PCDHA13: variants seen among roughly 807,000 people sequenced by gnomAD.
PCDHA13 encodes the protein protocadherin alpha 13.
A neutral mutation model predicts 64.8 loss-of-function variants in PCDHA13; 54 were observed. That is an observed-to-expected ratio of 0.83 (90% CI 0.67 to 1.04). The LOEUF is 1.04. Among genes scored for constraint, PCDHA13 ranks in the 50% least tolerant of loss-of-function variants. The pLI is 0.00. For missense variants in PCDHA13, 1,248 were observed against 1,254.3 expected (o/e 0.99, Z 0.08); for synonymous variants, 587 against 564.4 (o/e 1.04, Z -0.57).
chr5:141,011,501 A>G lies in PCDHA13; in HGVS notation c.*1564A>G, dbSNP rs548038544. ...ATATTTCCTTTTGTACACCTGTGAA[A>G]AAGTGGAGTAGTGTTTTTTTAACCA... On this transcript the variant is annotated 3_prime_UTR_variant, in exon 4 of 4. Coordinates refer to ENST00000289272, the MANE Select transcript of PCDHA13 (RefSeq NM_018904.3). 1.3e-5 allele frequency: 2 copies of G among 153,894 alleles called. No individual in the cohort carries two copies. Among genetic ancestry groups the G allele is most frequent in the African/African-American group, 4.8e-5 (2 of 41,578 alleles). 9.5% of individuals were successfully genotyped at this position (153,894 alleles called of 1,614,324 possible).
chr5:140,927,656 T>C (rs782201050), intron 1 of PCDHA13: 4 of 1,613,938 alleles, frequency 2.5e-6, no homozygotes, highest in Non-Finnish European at 3.4e-6. Flanking sequence ...TTATTCCGAG[T>C]TCAAGCCTTG....
At chr5:140,995,903 G>A (rs1554254885) in intron 3 of PCDHA13, among the ~76,000 whole-genome samples, 2 of 152,206 alleles carry the variant, frequency 1.3e-5, no homozygotes, top group East Asian at 1.9e-4. Flanking sequence ...ATGTATAAAA[G>A]AGGAGAGACC....
In PCDHA13 at chr5:141,010,200, C is replaced by T. The variant is rs1356287133; in HGVS notation, c.*263C>T. On this transcript the variant is annotated 3_prime_UTR_variant, in exon 4 of 4. Coordinates refer to ENST00000289272, the MANE Select transcript of PCDHA13 (RefSeq NM_018904.3). ...AGCAGACCCAAGTTTCCTTTCTCCTCCGCCGCAAAGGAGAGGCTTCCCAGC... is the reference window on the plus strand; with the variant it reads ...AGCAGACCCAAGTTTCCTTTCTCCTTCGCCGCAAAGGAGAGGCTTCCCAGC... The T allele has an allele frequency of 1.3e-6, 2 of 1,551,984 alleles. No individual in the cohort carries two copies. Among genetic ancestry groups the T allele is most frequent in the African/African-American group, 2.7e-5 (2 of 73,038 alleles).
chr5:140,899,909 G>A (rs1401600020), intron 1 of PCDHA13, among the ~76,000 whole-genome samples: 1 of 152,134 alleles, frequency 6.6e-6, no homozygotes, highest in Non-Finnish European at 1.5e-5. Flanking sequence ...CTGGGCTCAA[G>A]CAATCCTCCT....
chr5:140,883,623 C>A lies in PCDHA13; in HGVS notation c.1355C>A (p.Ala452Glu). Residue 452 changes from alanine to glutamate, a missense_variant, in exon 1 of 4, where the codon GCG becomes GAG. By Grantham distance (107) the Ala-to-Glu change is moderately radical. Coordinates refer to ENST00000289272, the MANE Select transcript of PCDHA13 (RefSeq NM_018904.3). ...GGGGTGGCCGACGTGAACGACAACG[C>A]GCCGGCGTTCGCGCAGCCCGAGTAC... The part of the protein sequence containing the change: ...SVGVADVNDN[A>E]PAFAQPEYTV... 1 of 1,613,988 alleles carries A rather than the reference C, an allele frequency of 6.2e-7. No individual in the cohort carries two copies. The highest frequency in any genetic ancestry group is 8.5e-7 in the Non-Finnish European group (1 of 1,179,904).
chr5:140,967,595 G>A, intron 1 of PCDHA13: 1 of 1,614,168 alleles, frequency 6.2e-7, no homozygotes, highest in Non-Finnish European at 8.5e-7. Context: ...CACATTGGTG[G>A]TGAAGCTGAA....
At chr5:140,915,023 G>A (rs1273717052) in intron 1 of PCDHA13, among the ~76,000 whole-genome samples, 3 of 147,742 alleles carry the variant, frequency 2.0e-5, no homozygotes, top group African/African-American at 7.5e-5. Context: ...TTGGCTCACT[G>A]CAACTTCTGC....
intron 1 of PCDHA13, among the ~76,000 whole-genome samples, chr5:140,892,451 C>A (rs782296222): frequency 1.2e-4 from 19 of 152,128 alleles, no homozygotes; most frequent in Non-Finnish European, 2.5e-4. Flanking sequence ...TACATGTATT[C>A]TTTAAGTACG....
chr5:140,995,086 T>C (rs1182368049), intron 3 of PCDHA13, among the ~76,000 whole-genome samples: 2 of 152,246 alleles, frequency 1.3e-5, no homozygotes, highest in African/African-American at 4.8e-5. Context: ...TCCAAACTTA[T>C]CTGTGGAGAT....
At chr5:141,004,495 C>T (rs1363359146) in intron 3 of PCDHA13, among the ~76,000 whole-genome samples, 14 of 152,182 alleles carry the variant, frequency 9.2e-5, no homozygotes, top group Admixed American at 9.2e-4. Flanking sequence ...TCTTGGCAGT[C>T]CTGCTGTGAG....
intron 1 of PCDHA13, chr5:140,968,800 A>G: frequency 6.2e-7 from 1 of 1,614,238 alleles, no homozygotes; most frequent in Non-Finnish European, 8.5e-7. Context: ...CCATTACAGT[A>G]GCTGTGGTGG....
At chr5:140,908,844 C>T (rs533219921) in intron 1 of PCDHA13, among the ~76,000 whole-genome samples, 2 of 152,272 alleles carry the variant, frequency 1.3e-5, no homozygotes, top group African/African-American at 4.8e-5. Context: ...GCTGGAGTAA[C>T]ATACCCAAAT....
At chr5:140,927,359 A>G in intron 1 of PCDHA13, 2 of 1,613,980 alleles carry the variant, frequency 1.2e-6, no homozygotes, top group Middle Eastern at 1.6e-4. Flanking sequence ...GAGGGAAGCA[A>G]TGGGATACTA....
intron 1 of PCDHA13, among the ~76,000 whole-genome samples, chr5:140,924,635 C>G (rs2081927697): frequency 6.6e-6 from 1 of 152,108 alleles, no homozygotes; most frequent in Non-Finnish European, 1.5e-5. Context: ...GGGCTCACAC[C>G]TGTAATCCCA....
At chr5:140,993,031 C>T (rs186292405) in intron 3 of PCDHA13, among the ~76,000 whole-genome samples, 19 of 152,274 alleles carry the variant, frequency 1.2e-4, no homozygotes, top group Non-Finnish European at 1.8e-4. Context: ...CTGTGGGCTC[C>T]GTGTGTCATC....
At chr5:140,921,287 A>C (rs1563045357) in intron 1 of PCDHA13, among the ~76,000 whole-genome samples, 1 of 152,210 alleles carries the variant, frequency 6.6e-6, no homozygotes. Flanking sequence ...AAAAAACCTC[A>C]AATTTGCTGA....
At chr5:140,990,988 C>A (rs1332573282) in intron 3 of PCDHA13, among the ~76,000 whole-genome samples, 5 of 152,184 alleles carry the variant, frequency 3.3e-5, no homozygotes, top group Admixed American at 6.5e-5. Flanking sequence ...AAGACAATAG[C>A]TACCATTTAT....
At chr5:140,897,803 C>A (rs1285512803) in intron 1 of PCDHA13, among the ~76,000 whole-genome samples, 2 of 152,130 alleles carry the variant, frequency 1.3e-5, no homozygotes, top group Non-Finnish European at 2.9e-5. Flanking sequence ...AGAGTCCCAC[C>A]AACAGTGTAA....
intron 1 of PCDHA13, among the ~76,000 whole-genome samples, chr5:140,945,598 T>C (rs544036785): frequency 1.3e-5 from 2 of 152,116 alleles, no homozygotes; most frequent in South Asian, 2.1e-4. Flanking sequence ...TTCAAAGCTA[T>C]AATAATCAAA....
Sources: allele counts gnomAD v4.1 joint callset (sites outside exome capture counted in the v4.1 genomes callset), GRCh38; gene constraint gnomAD v4.1.1; transcripts MANE v1.5; gene names NCBI Gene and HGNC (gene_info 2026-07-23, HGNC 2026-07-21).